The following ATOSA variants were observed in gnomAD, a reference collection of about 807,000 sequenced individuals.
The protein encoded by ATOSA is atos homolog protein A.
chr15:52,585,381 T>C, the ATOSA span: 1 of 154,334 alleles, frequency 6.5e-6, no homozygotes, highest in African/African-American at 2.4e-5. Flanking sequence ...CACATTTTAA[T>C]AGCAAACAGA....
chr15:52,668,065 T>C, the ATOSA span, among the ~76,000 whole-genome samples: 1 of 152,228 alleles, frequency 6.6e-6, no homozygotes, highest in Admixed American at 6.5e-5. Flanking sequence ...TGGGCATATA[T>C]ACCCAAAGGA....
At chr15:52,613,322 C>T in the ATOSA span, among the ~76,000 whole-genome samples, 5 of 152,148 alleles carry the variant, frequency 3.3e-5, no homozygotes, top group Admixed American at 6.6e-5. Context: ...GCCAAGATCG[C>T]GCCACTGCAC....
the ATOSA span, chr15:52,582,414 G>T: frequency 2.3e-6 from 2 of 888,504 alleles, no homozygotes; most frequent in Non-Finnish European, 3.3e-6. Flanking sequence ...TACAATATTA[G>T]GTCAACACTA....
the ATOSA span, chr15:52,609,246 C>A: frequency 6.2e-7 from 1 of 1,612,992 alleles, no homozygotes; most frequent in South Asian, 1.1e-5. Flanking sequence ...CTAAGTTTTT[C>A]CCATCACTGA....
At chr15:52,605,088 GATGT>G in the ATOSA span, 1 of 1,210,820 alleles carries the variant, frequency 8.3e-7, no homozygotes, top group South Asian at 1.4e-5. Context: ...AAACCTTTCA[GATGT>G]ATGTAAGTTC....
the ATOSA span, among the ~76,000 whole-genome samples, chr15:52,689,049 T>A: frequency 6.6e-6 from 1 of 152,144 alleles, no homozygotes; most frequent in African/African-American, 2.4e-5. Context: ...ATTCTGAGAA[T>A]AGTTAGTAGC....
chr15:52,656,410 A>T, the ATOSA span: 1 of 152,136 alleles, frequency 6.6e-6, no homozygotes, highest in Non-Finnish European at 1.5e-5. Flanking sequence ...TGCATTCATT[A>T]TAACAAGGTA....
chr15:52,686,969 G>A, the ATOSA span, among the ~76,000 whole-genome samples: 1 of 152,156 alleles, frequency 6.6e-6, no homozygotes, highest in Non-Finnish European at 1.5e-5. Context: ...TGTCATTTCT[G>A]TATAATATAA....
the ATOSA span, among the ~76,000 whole-genome samples, chr15:52,632,275 CT>C: frequency 2.0e-5 from 3 of 152,136 alleles, no homozygotes; most frequent in Non-Finnish European, 4.4e-5. Context: ...AAGAGATGAT[CT>C]ATTGCTTGAG....
chr15:52,607,063 G>A, the ATOSA span, among the ~76,000 whole-genome samples: 1 of 152,104 alleles, frequency 6.6e-6, no homozygotes, highest in African/African-American at 2.4e-5. Flanking sequence ...TTTATAAATT[G>A]TTTGATTATC....
At chr15:52,694,648 C>T in the ATOSA span, among the ~76,000 whole-genome samples, 18 of 151,794 alleles carry the variant, frequency 1.2e-4, no homozygotes, top group African/African-American at 3.6e-4. Flanking sequence ...AGCAAGACCC[C>T]GCCTCTATTT....
the ATOSA span, among the ~76,000 whole-genome samples, chr15:52,592,542 T>C: frequency 6.6e-6 from 1 of 152,184 alleles, no homozygotes; most frequent in Non-Finnish European, 1.5e-5. Context: ...AGATTGATCT[T>C]AAGGCTCAAC....
chr15:52,674,482 A>T, the ATOSA span, among the ~76,000 whole-genome samples: 2 of 152,216 alleles, frequency 1.3e-5, no homozygotes, highest in African/African-American at 4.8e-5. Context: ...GCCCAGCTCT[A>T]GTCAGCTGTT....
the ATOSA span, among the ~76,000 whole-genome samples, chr15:52,663,962 A>G: frequency 6.6e-6 from 1 of 152,236 alleles, no homozygotes; most frequent in Admixed American, 6.5e-5. Context: ...ACATAAAATG[A>G]ATGCCACAAA....
the ATOSA span, among the ~76,000 whole-genome samples, chr15:52,625,570 T>G: frequency 6.6e-6 from 1 of 152,220 alleles, no homozygotes; most frequent in African/African-American, 2.4e-5. Flanking sequence ...AGACTGACTT[T>G]TAAAAGCAAT....
the ATOSA span, chr15:52,593,442 G>C: frequency 1.3e-6 from 1 of 764,828 alleles, no homozygotes; most frequent in Non-Finnish European, 2.0e-6. Context: ...AAGTTGTGAG[G>C]TAATATTTTG....
the ATOSA span, among the ~76,000 whole-genome samples, chr15:52,644,525 G>A: frequency 6.6e-6 from 1 of 152,156 alleles, no homozygotes; most frequent in Admixed American, 6.5e-5. Flanking sequence ...GCTTAGCACA[G>A]TGCTCGACAT....
the ATOSA span, among the ~76,000 whole-genome samples, chr15:52,676,925 C>A: frequency 6.6e-6 from 1 of 152,164 alleles, no homozygotes; most frequent in Non-Finnish European, 1.5e-5. Context: ...AAGGAACCTG[C>A]TCAGGAGCAA....
chr15:52,676,345 G>A, the ATOSA span, among the ~76,000 whole-genome samples: 1 of 152,168 alleles, frequency 6.6e-6, no homozygotes. Context: ...ATTAATTGGT[G>A]AAGAAATCAA....
Sources: gnomAD v4.1 joint callset for allele counts (sites outside exome capture counted in the v4.1 genomes callset) on GRCh38, gnomAD v4.1.1 for gene constraint, MANE v1.5 for transcripts, NCBI Gene and HGNC (gene_info 2026-07-23, HGNC 2026-07-21) for gene names.